NRG1: variants seen among roughly 807,000 people sequenced by gnomAD.
NRG1 encodes the protein neuregulin 1.
A neutral mutation model predicts 63.8 loss-of-function variants in NRG1; 18 were observed. The ratio of observed to expected loss-of-function variants is 0.28; its 90% CI spans 0.19 to 0.42. The LOEUF is 0.42. NRG1 is among the 10% of genes least tolerant of loss of function. NRG1 has a pLI of 1.00. For missense variants in NRG1, 762 were observed against 814.7 expected (o/e 0.94, Z 0.79); for synonymous variants, 302 against 301.3 (o/e 1.00, Z -0.02).
chr8:31,969,899 A>G (rs954909959), intron 1 of NRG1, among the ~76,000 whole-genome samples: 10 of 152,226 alleles, frequency 6.6e-5, no homozygotes, highest in Admixed American at 6.5e-5. Flanking sequence ...CACTCCTGGC[A>G]TGATTTCCAT....
chr8:32,136,932 CACTT>C (rs1346774764), intron 1 of NRG1, among the ~76,000 whole-genome samples: 1 of 152,122 alleles, frequency 6.6e-6, no homozygotes, highest in East Asian at 1.9e-4. Context: ...CGATCAACAA[CACTT>C]AATTAATGAA....
intron 1 of NRG1, among the ~76,000 whole-genome samples, chr8:31,714,579 T>C (rs935515504): frequency 2.0e-5 from 3 of 152,196 alleles, no homozygotes; most frequent in Non-Finnish European, 4.4e-5. Context: ...GTGAGAAAAG[T>C]GATCCTTGTT....
chr8:32,439,771 ATTT>A (rs11306096), intron 1 of NRG1, among the ~76,000 whole-genome samples: 32 of 133,440 alleles, frequency 2.4e-4, no homozygotes, highest in African/African-American at 2.7e-4. Context: ...CGAATAAGTG[ATTT>A]TTTTTTTTTT....
chr8:32,577,161 T>C (rs1839814233), intron 1 of NRG1, among the ~76,000 whole-genome samples: 1 of 152,234 alleles, frequency 6.6e-6, no homozygotes, highest in Non-Finnish European at 1.5e-5. Context: ...TTCATTCCTT[T>C]TTATGGCTAC....
chr8:32,261,581 G>A (rs1290636895), intron 1 of NRG1, among the ~76,000 whole-genome samples: 1 of 152,086 alleles, frequency 6.6e-6, no homozygotes, highest in Non-Finnish European at 1.5e-5. Flanking sequence ...CCTGAAGAAT[G>A]TTTGTAAAAT....
intron 1 of NRG1, among the ~76,000 whole-genome samples, chr8:32,457,093 T>A (rs1435290298): frequency 6.6e-6 from 1 of 152,046 alleles, no homozygotes; most frequent in African/African-American, 2.4e-5. Context: ...GATTGTGCCA[T>A]TGCACTCCAG....
chr8:31,873,124 G>T (rs1829630604), intron 1 of NRG1, among the ~76,000 whole-genome samples: 1 of 152,090 alleles, frequency 6.6e-6, no homozygotes, highest in Non-Finnish European at 1.5e-5. Context: ...ATTATACACT[G>T]TAAATATTTA....
At chr8:32,248,047 A>G (rs1848754805) in intron 1 of NRG1, among the ~76,000 whole-genome samples, 1 of 152,116 alleles carries the variant, frequency 6.6e-6, no homozygotes, top group African/African-American at 2.4e-5. Context: ...AGCGTTTTAC[A>G]ACTTTCTACG....
At chr8:32,635,628 CT>C (rs1851200783) in intron 5 of NRG1, among the ~76,000 whole-genome samples, 1 of 152,112 alleles carries the variant, frequency 6.6e-6, no homozygotes, top group Non-Finnish European at 1.5e-5. Flanking sequence ...CCACCTGTCT[CT>C]GGGAGCACAG....
chr8:32,722,027 A>AT (rs1820779525), intron 5 of NRG1: 1 of 1,548,534 alleles, frequency 6.5e-7, no homozygotes, highest in African/African-American at 1.4e-5. Flanking sequence ...ACACATAAGC[A>AT]TTGAAGATAT....
chr8:31,856,686 G>A (rs1213328910), intron 1 of NRG1, among the ~76,000 whole-genome samples: 4 of 152,086 alleles, frequency 2.6e-5, no homozygotes, highest in East Asian at 1.9e-4. Context: ...GAGGAGAGTC[G>A]CTCTGCTTTT....
intron 1 of NRG1, among the ~76,000 whole-genome samples, chr8:31,801,095 C>T (rs1041006214): frequency 6.6e-6 from 1 of 151,930 alleles, no homozygotes; most frequent in Non-Finnish European, 1.5e-5. Flanking sequence ...GATCCACCTG[C>T]CTCGGCCTCC....
At chr8:32,749,681 A>G in intron 7 of NRG1, 1 of 1,193,926 alleles carries the variant, frequency 8.4e-7, no homozygotes, top group Non-Finnish European at 1.2e-6. Context: ...GTTCCTAACT[A>G]ATTTCCTTTT....
At chr8:32,761,025 A>G (rs1404368978) in intron 11 of NRG1, 4 of 981,552 alleles carry the variant, frequency 4.1e-6, no homozygotes, top group Non-Finnish European at 4.8e-6. Context: ...TTCAAAGCAG[A>G]TACTGCCTTC....
chr8:31,971,411 G>C (rs1291220967), intron 1 of NRG1, among the ~76,000 whole-genome samples: 1 of 152,074 alleles, frequency 6.6e-6, no homozygotes, highest in African/African-American at 2.4e-5. Context: ...TGCATTTTAA[G>C]TTAATATTTT....
At chr8:32,380,599 C>G (rs1022421760) in intron 1 of NRG1, among the ~76,000 whole-genome samples, 2 of 152,112 alleles carry the variant, frequency 1.3e-5, no homozygotes. Context: ...GTCCACCTCC[C>G]CTGTGCTTCT....
chr8:32,054,466 T>G (rs868380653), intron 1 of NRG1, among the ~76,000 whole-genome samples: 3 of 152,346 alleles, frequency 2.0e-5, no homozygotes, highest in South Asian at 4.1e-4. Flanking sequence ...AAGTGTGGCC[T>G]GCAGTCACCA....
intron 5 of NRG1, among the ~76,000 whole-genome samples, chr8:32,685,650 T>G (rs750812546): frequency 1.3e-5 from 2 of 152,122 alleles, no homozygotes; most frequent in African/African-American, 2.4e-5. Context: ...AAAATAATAA[T>G]AAGAAAAAAT....
chr8:32,065,911 T>C (rs929193941), intron 1 of NRG1, among the ~76,000 whole-genome samples: 1 of 152,216 alleles, frequency 6.6e-6, no homozygotes, highest in Admixed American at 6.5e-5. Flanking sequence ...CATTGTGGTT[T>C]TGATTTGCAT....
Sources: gnomAD v4.1 joint callset for allele counts (sites outside exome capture counted in the v4.1 genomes callset) on GRCh38, gnomAD v4.1.1 for gene constraint, MANE v1.5 for transcripts, NCBI Gene and HGNC (gene_info 2026-07-23, HGNC 2026-07-21) for gene names.